PPP2R2B: variants seen among roughly 807,000 people sequenced by gnomAD.
The protein encoded by PPP2R2B is protein phosphatase 2 regulatory subunit Bbeta.
Under a neutral mutation model 46.0 loss-of-function variants are expected in PPP2R2B, and 5 were observed. The ratio of observed to expected loss-of-function variants is 0.11; its 90% confidence interval spans 0.06 to 0.23. The LOEUF is 0.23. PPP2R2B is among the 10% of genes least tolerant of loss of function. The pLI is 1.00. For missense variants in PPP2R2B, 367 were observed against 575.0 expected (o/e 0.64, Z 3.70); for synonymous variants, 215 against 206.7 (o/e 1.04, Z -0.34).
At chr5:146,808,897 A>G (rs1757353264) in intron 2 of PPP2R2B, among the ~76,000 whole-genome samples, 1 of 151,796 alleles carries the variant, frequency 6.6e-6, no homozygotes, top group Non-Finnish European at 1.5e-5. Context: ...TTCTAATACC[A>G]TTTTTATTAT....
At chr5:146,693,407 A>AT (rs1239629646) in intron 4 of PPP2R2B, among the ~76,000 whole-genome samples, 2 of 151,616 alleles carry the variant, frequency 1.3e-5, no homozygotes, top group African/African-American at 2.4e-5. Context: ...TAGAGACATG[A>AT]TTTTTTCATG....
chr5:146,880,181 G>T (rs1299526364), upstream of PPP2R2B, among the ~76,000 whole-genome samples: 33 of 8,648 alleles, frequency 3.8e-3, no homozygotes, highest in South Asian at 0.014. Context: ...TAGTTATTTT[G>T]TGTGTGTGTG....
At chr5:146,810,677 A>G (rs188917134) in intron 2 of PPP2R2B, among the ~76,000 whole-genome samples, 8 of 152,020 alleles carry the variant, frequency 5.3e-5, no homozygotes, top group African/African-American at 1.9e-4. Flanking sequence ...TTTCTCATTC[A>G]CTGACTTCCA....
chr5:146,931,333 C>G (rs1763963272), intron 1 of PPP2R2B, among the ~76,000 whole-genome samples: 1 of 152,114 alleles, frequency 6.6e-6, no homozygotes, highest in South Asian at 2.1e-4. Flanking sequence ...AGATTGCTGA[C>G]CTCCCTGCAG....
chr5:146,691,359 G>A, intron 4 of PPP2R2B, 119 bp from the exon 5 acceptor site: 2 of 739,292 alleles, frequency 2.7e-6, no homozygotes, highest in Non-Finnish European at 4.5e-6. Context: ...TACAGAAGCT[G>A]GCTCACATAA....
intron 2 of PPP2R2B, among the ~76,000 whole-genome samples, chr5:147,073,567 G>A (rs1757667065): frequency 6.6e-6 from 1 of 152,148 alleles, no homozygotes; most frequent in South Asian, 2.1e-4. Context: ...ACTCCCTTCA[G>A]TGCCCGAGGC....
intron 1 of PPP2R2B, among the ~76,000 whole-genome samples, chr5:146,972,019 G>A (rs1357165974): frequency 1.3e-5 from 2 of 151,926 alleles, no homozygotes; most frequent in African/African-American, 4.8e-5. Flanking sequence ...TAATATTCCT[G>A]GATCCCATCT....
rs1360857899 is a variant in PPP2R2B at position 146,932,333 on chromosome 5, C to T, written c.79+123332G>A. Among the ~76,000 whole-genome samples, 3 of 152,266 alleles carry T rather than the reference C, an allele frequency of 2.0e-5. No homozygotes were observed. The East Asian group carries it at 5.8e-4, about 29-fold the overall frequency. ...TTTGGCTGTGTCCCCACCCAAATCT[C>T]ATCTTGAATGGTAGTTCCCATAATC... On this transcript the variant is annotated intron_variant, in intron 1 of 8. Transcript: ENST00000336640.
chr5:146,892,061 C>T (rs879429957), intron 1 of PPP2R2B, among the ~76,000 whole-genome samples: 1 of 152,174 alleles, frequency 6.6e-6, no homozygotes, highest in Non-Finnish European at 1.5e-5. Flanking sequence ...ATTCACATGC[C>T]TCTGTGTCCT....
intron 7 of PPP2R2B, among the ~76,000 whole-genome samples, chr5:146,635,935 G>A (rs892326206): frequency 4.6e-5 from 7 of 152,306 alleles, no homozygotes; most frequent in South Asian, 2.1e-4. Flanking sequence ...CATGTATGAC[G>A]AATGCCAACC....
intron 2 of PPP2R2B, among the ~76,000 whole-genome samples, chr5:146,734,925 C>T (rs988045170): frequency 2.7e-4 from 41 of 152,148 alleles, no homozygotes; most frequent in Non-Finnish European, 5.3e-4. Flanking sequence ...TTATTACCCG[C>T]CCCTTTCTCT....
chr5:146,835,873 A>G (rs1759249638), intron 2 of PPP2R2B, among the ~76,000 whole-genome samples: 1 of 152,316 alleles, frequency 6.6e-6, no homozygotes, highest in South Asian at 2.1e-4. Flanking sequence ...CATCAAAGAC[A>G]TCTTGGACAT....
chr5:147,019,843 C>T (rs2151884247), intron 1 of PPP2R2B, among the ~76,000 whole-genome samples: 1 of 152,264 alleles, frequency 6.6e-6, no homozygotes, highest in East Asian at 1.9e-4. Context: ...GCCTCCGAGG[C>T]TAGATCTGAT....
chr5:146,794,619 T>C (rs185378243), intron 2 of PPP2R2B, among the ~76,000 whole-genome samples: 2 of 152,286 alleles, frequency 1.3e-5, no homozygotes, highest in Admixed American at 1.3e-4. Context: ...ATTCTACAGT[T>C]GAGTAAGCCC....
intron 2 of PPP2R2B, among the ~76,000 whole-genome samples, chr5:146,828,024 A>G (rs1758686732): frequency 2.7e-5 from 4 of 150,862 alleles, no homozygotes. Flanking sequence ...AGAGAGAGAG[A>G]CAGAGACAGA....
intron 2 of PPP2R2B, among the ~76,000 whole-genome samples, chr5:146,722,145 T>C (rs1347592174): frequency 6.6e-6 from 1 of 152,214 alleles, no homozygotes; most frequent in Non-Finnish European, 1.5e-5. Context: ...TGAGAGCTTT[T>C]TGCTATAAAC....
intron 5 of PPP2R2B, among the ~76,000 whole-genome samples, chr5:146,682,592 C>A (rs181776217): frequency 1.2e-3 from 190 of 152,250 alleles, no homozygotes; most frequent in African/African-American, 4.4e-3. Context: ...ATGGGAATAA[C>A]AGTAGTACCC....
intron 1 of PPP2R2B, among the ~76,000 whole-genome samples, chr5:147,036,534 A>G (rs1756045535): frequency 6.6e-6 from 1 of 152,196 alleles, no homozygotes; most frequent in Non-Finnish European, 1.5e-5. Flanking sequence ...TATACCCAGT[A>G]ATGGGATTGC....
chr5:146,834,494 T>C lies in PPP2R2B; in HGVS notation c.70+43508A>G, dbSNP rs556801540. On this transcript the variant is annotated intron_variant, in intron 2 of 9. Coordinates refer to ENST00000394411, the MANE Select transcript of PPP2R2B (RefSeq NM_181675.4). ...AATATTTCACTTGTCTCAACTCATC[T>C]AGCACCTTTGTCATTCAGGTTCAGT... Among the ~76,000 whole-genome samples the C allele has an allele frequency of 1.4e-4, 22 of 152,374 alleles. No individual in the cohort carries two copies. In the South Asian group the frequency reaches 4.6e-3, roughly 32 times the overall value.
Sources: gnomAD v4.1 joint callset for allele counts (sites outside exome capture counted in the v4.1 genomes callset) on GRCh38, gnomAD v4.1.1 for gene constraint, MANE v1.5 for transcripts, NCBI Gene and HGNC (gene_info 2026-07-23, HGNC 2026-07-21) for gene names.